ADAMTSL1: variants seen among roughly 807,000 people sequenced by gnomAD.
ADAMTSL1 encodes ADAMTS-like protein 1.
In ADAMTSL1, 126 loss-of-function variants were observed where a neutral mutation model predicts 201.8. The ratio of observed to expected loss-of-function variants is 0.62; its 90% CI spans 0.54 to 0.72. The LOEUF is 0.72. Ranked by LOEUF, ADAMTSL1 falls within the 30% of genes least tolerant of loss-of-function variation. The pLI is 0.00. For missense variants in ADAMTSL1, 2,679 were observed against 2,277.8 expected, an observed-to-expected ratio of 1.18 and a Z score of -3.59; for synonymous variants, 1,121 against 903.4, an observed-to-expected ratio of 1.24 and a Z score of -4.32.
At chr9:18,483,311 A>G (rs1353415336) in intron 1 of ADAMTSL1, among the ~76,000 whole-genome samples, 2 of 152,216 alleles carry the variant, frequency 1.3e-5, no homozygotes, top group Non-Finnish European at 2.9e-5. Context: ...TATCACGAGC[A>G]TCTAGTACAT....
At chr9:18,592,640 T>C (rs1006879868) in intron 4 of ADAMTSL1, among the ~76,000 whole-genome samples, 2 of 152,218 alleles carry the variant, frequency 1.3e-5, no homozygotes, top group Non-Finnish European at 2.9e-5. Context: ...TAGTAAAATT[T>C]GAAGTCAGAT....
At chr9:17,940,588 C>A (rs1162487997) in intron 1 of ADAMTSL1, among the ~76,000 whole-genome samples, 1 of 151,708 alleles carries the variant, frequency 6.6e-6, no homozygotes, top group Non-Finnish European at 1.5e-5. Context: ...GTAAAGCTGC[C>A]TGGAAGGCAT....
chr9:18,740,338 C>T (rs952250128), intron 15 of ADAMTSL1, among the ~76,000 whole-genome samples: 20 of 152,080 alleles, frequency 1.3e-4, no homozygotes, highest in African/African-American at 4.8e-4. Context: ...CAAAGCACCA[C>T]TGCTTCCCAG....
intron 2 of ADAMTSL1, among the ~76,000 whole-genome samples, chr9:18,455,992 G>T (rs1441932306): frequency 6.6e-6 from 1 of 151,926 alleles, no homozygotes; most frequent in Non-Finnish European, 1.5e-5. Flanking sequence ...ATTTCAACTT[G>T]TTCTCTTCCT....
At position 18,657,763 on chromosome 9, in the gene ADAMTSL1, A is replaced by C; in HGVS notation, c.946+13A>C. 1 of 1,601,922 alleles carries C rather than the reference A, an allele frequency of 6.2e-7. No homozygotes were observed. Among genetic ancestry groups the C allele is most frequent in the Non-Finnish European group, 8.6e-7 (1 of 1,168,868 alleles). ...ACCTGTGGAGGAGGTAATGGTGTTC[A>C]CTTAGTCTAAAAACTGTTGGCTTCT... On this transcript the variant is annotated intron_variant, in intron 8 of 28. Transcript: ENST00000380548.
intron 2 of ADAMTSL1, among the ~76,000 whole-genome samples, chr9:18,452,595 A>G (rs969595405): frequency 6.6e-6 from 1 of 152,222 alleles, no homozygotes. Context: ...CTACAAGCCT[A>G]TTAAACTGAA....
chr9:18,505,070 A>G, intron 2 of ADAMTSL1, 114 bp downstream of exon 2: 1 of 1,325,556 alleles, frequency 7.5e-7, no homozygotes, highest in Non-Finnish European at 1.0e-6. Flanking sequence ...TCCAGATAAA[A>G]GAAAAGAATT....
intron 20 of ADAMTSL1, among the ~76,000 whole-genome samples, chr9:18,798,839 C>T (rs1293272489): frequency 6.6e-6 from 1 of 152,210 alleles, no homozygotes; most frequent in African/African-American, 2.4e-5. Context: ...TTATTCTGTA[C>T]ACAAGTTTTC....
At chr9:18,478,838 A>C (rs931216944) in intron 1 of ADAMTSL1, among the ~76,000 whole-genome samples, 1 of 152,350 alleles carries the variant, frequency 6.6e-6, no homozygotes, top group East Asian at 1.9e-4. Flanking sequence ...CAGTCTTGTC[A>C]TTGTTACTAA....
intron 2 of ADAMTSL1, among the ~76,000 whole-genome samples, chr9:18,519,187 G>A (rs765447855): frequency 6.6e-6 from 1 of 152,130 alleles, no homozygotes; most frequent in African/African-American, 2.4e-5. Context: ...CTGTGTTATC[G>A]TTATTCATAT....
chr9:17,916,156 A>T (rs1236983582), intron 1 of ADAMTSL1, among the ~76,000 whole-genome samples: 1 of 152,224 alleles, frequency 6.6e-6, no homozygotes, highest in Non-Finnish European at 1.5e-5. Context: ...CCAGGCCTCA[A>T]GTGGTCTGCT....
At chr9:18,544,424 A>T (rs1040255572) in intron 3 of ADAMTSL1, among the ~76,000 whole-genome samples, 4 of 152,154 alleles carry the variant, frequency 2.6e-5, no homozygotes, top group African/African-American at 7.2e-5. Context: ...TATGAAAGGG[A>T]ATATATTAGT....
intron 2 of ADAMTSL1, among the ~76,000 whole-genome samples, chr9:18,459,913 T>C (rs1430564039): frequency 1.3e-5 from 2 of 151,950 alleles, no homozygotes; most frequent in Admixed American, 6.6e-5. Context: ...AAAAGGAAAG[T>C]GGGAGGAAGG....
At chr9:18,203,640 G>A (rs1829535639) in intron 2 of ADAMTSL1, among the ~76,000 whole-genome samples, 1 of 152,004 alleles carries the variant, frequency 6.6e-6, no homozygotes, top group Non-Finnish European at 1.5e-5. Context: ...CAAAGGATTT[G>A]AGGCACCTCA....
At chr9:18,281,347 C>T (rs2132629908) in intron 2 of ADAMTSL1, among the ~76,000 whole-genome samples, 1 of 152,240 alleles carries the variant, frequency 6.6e-6, no homozygotes, top group East Asian at 1.9e-4. Context: ...AGAGCCTGGG[C>T]TCCAGAGTCA....
intron 15 of ADAMTSL1, among the ~76,000 whole-genome samples, chr9:18,737,692 C>A (rs1409407350): frequency 6.6e-6 from 1 of 152,152 alleles, no homozygotes; most frequent in East Asian, 1.9e-4. Flanking sequence ...GTTGTAGAAT[C>A]CCAGAATGTA....
chr9:18,683,884 G>T (rs1012816344), intron 12 of ADAMTSL1, among the ~76,000 whole-genome samples: 9 of 152,268 alleles, frequency 5.9e-5, no homozygotes, highest in African/African-American at 1.9e-4. Flanking sequence ...TATATGTATA[G>T]ACATATTTCT....
chr9:18,056,488 T>C (rs1457319167), intron 1 of ADAMTSL1, among the ~76,000 whole-genome samples: 4 of 151,966 alleles, frequency 2.6e-5, no homozygotes, highest in Non-Finnish European at 5.9e-5. Flanking sequence ...AATTCCACCT[T>C]CAGAGGGTGA....
intron 1 of ADAMTSL1, among the ~76,000 whole-genome samples, chr9:17,936,778 G>C (rs1035405411): frequency 2.6e-5 from 4 of 152,170 alleles, no homozygotes; most frequent in Admixed American, 2.6e-4. Context: ...GCTTTTGCCA[G>C]AAATTGGCCT....
Sources: allele counts gnomAD v4.1 joint callset (sites outside exome capture counted in the v4.1 genomes callset), GRCh38; gene constraint gnomAD v4.1.1; transcripts MANE v1.5; gene names NCBI Gene and HGNC (gene_info 2026-07-23, HGNC 2026-07-21).